Variants in TCERG1 observed in about 807,000 individuals in gnomAD.
The protein encoded by TCERG1 is TATA box binding protein (TBP)-associated factor, RNA polymerase II, S, 150kD.
A neutral mutation model predicts 144.7 loss-of-function variants in TCERG1; 37 were observed. The ratio of observed to expected loss-of-function variants is 0.26; its 90% CI spans 0.20 to 0.34. The LOEUF is 0.34. Ranked by LOEUF, TCERG1 falls within the 10% of genes least tolerant of loss-of-function variation. TCERG1 has a pLI of 1.00. For missense variants in TCERG1, 1,027 were observed against 1,380.7 expected, an observed-to-expected ratio of 0.74 and a Z score of 4.06; for synonymous variants, 492 against 458.2, an observed-to-expected ratio of 1.07 and a Z score of -0.94.
intron 1 of TCERG1, among the ~76,000 whole-genome samples, chr5:146,449,096 C>T (rs1024347795): frequency 2.0e-5 from 3 of 152,144 alleles, no homozygotes; most frequent in African/African-American, 4.8e-5. Context: ...TAGCATTTCT[C>T]ATGAAATTAG....
At chr5:146,490,494 G>A (rs1055541303) in intron 15 of TCERG1, among the ~76,000 whole-genome samples, 14 of 152,156 alleles carry the variant, frequency 9.2e-5, no homozygotes, top group Non-Finnish European at 1.6e-4. Flanking sequence ...CTAGCTAAAG[G>A]CATTGCTCTG....
chr5:146,481,684 A>G (rs1765375411), intron 13 of TCERG1: 1 of 152,184 alleles, frequency 6.6e-6, no homozygotes, highest in African/African-American at 2.4e-5. Context: ...TTTAAAATAT[A>G]CTTAGCAGAT....
chr5:146,471,833 G>A (rs1368577558), intron 9 of TCERG1, among the ~76,000 whole-genome samples: 2 of 152,068 alleles, frequency 1.3e-5, no homozygotes, highest in South Asian at 2.1e-4. Context: ...TCTTGACCTC[G>A]TGATCCGCCC....
Position 146,498,704 on chromosome 5 carries a change from C to T in TCERG1, c.2433+18C>T. The T allele has an allele frequency of 6.3e-7, 1 of 1,598,518 alleles. No individual in the cohort carries two copies. Among genetic ancestry groups the T allele is most frequent in the Non-Finnish European group, 8.5e-7 (1 of 1,174,044 alleles). On this transcript the variant is annotated intron_variant, in intron 17 of 22. Coordinates refer to ENST00000679501, the MANE Select transcript of TCERG1 (RefSeq NM_001382548.1). ...GTGAGAAGGTAAGATGGTTTTAGTT[C>T]CAGTGGTGTGATTGATGGGAGTGTG...
rs748668157 is a variant in TCERG1, at chr5:146,509,213, G to A, written c.3114G>A (p.Thr1038=). 59 of 1,608,570 alleles carry A rather than the reference G, an allele frequency of 3.7e-5. No homozygotes were observed. Among genetic ancestry groups the A allele is most frequent in the Non-Finnish European group, 4.8e-5 (56 of 1,177,994 alleles). ...TCACAGCCAAAGCTGACTTCAGGAC[G>A]CTTTTGAAAGAGACCAAATTTATAA... ...KYITAKADFR[T]LLKETKFITY... The change falls in exon 22 of 23, where the codon ACG becomes ACA. Residue 1038 remains threonine (T), a synonymous_variant. Coordinates refer to ENST00000679501, the MANE Select transcript of TCERG1 (RefSeq NM_001382548.1).
In TCERG1 at chr5:146,455,544, G is replaced by A. The variant is rs115358441; in HGVS notation, c.285+263G>A. ...ATAGTTTTTACCTACCTTTAGCTCT[G>A]TGAATTGGCTTTAGTAATGCATCTT... On this transcript the variant is annotated intron_variant, in intron 2 of 22. Coordinates refer to ENST00000679501, the MANE Select transcript of TCERG1 (RefSeq NM_001382548.1). 4.4e-3 allele frequency among the ~76,000 whole-genome samples: 668 copies of A among 152,334 alleles called. 4 individuals carry two copies. Among genetic ancestry groups the A allele is most frequent in the Non-Finnish European group, 6.3e-3 (430 of 68,036 alleles).
In TCERG1 at chr5:146,510,444, C is replaced by T. The variant is rs770488146; in HGVS notation, c.3150C>T (p.Ser1050=). Residue 1050 remains serine (S), a synonymous_variant, in exon 23 of 23, where the codon TCC becomes TCT. Coordinates refer to ENST00000679501, the MANE Select transcript of TCERG1 (RefSeq NM_001382548.1). ...GGACTTCTTTTTCTTATTTCAGATC[C>T]AAAAAATTAATCCAAGAATCAGATC... ...LKETKFITYR[S]KKLIQESDQH... The T allele has an allele frequency of 4.7e-5, 75 of 1,610,528 alleles. No individual in the cohort carries two copies. The highest frequency in any genetic ancestry group is 5.9e-5 in the Non-Finnish European group (70 of 1,177,718).
intron 12 of TCERG1, chr5:146,480,406 A>G (rs1250003236): frequency 2.6e-5 from 5 of 191,958 alleles, no homozygotes; most frequent in African/African-American, 4.8e-5. Context: ...TTAGACCCCA[A>G]TGGATACCAT....
chr5:146,494,807 G>A (rs1055301002), intron 16 of TCERG1, among the ~76,000 whole-genome samples: 1 of 151,986 alleles, frequency 6.6e-6, no homozygotes, highest in South Asian at 2.1e-4. Context: ...CTTGTATGTC[G>A]TTTTTCTTTT....
intron 1 of TCERG1, among the ~76,000 whole-genome samples, chr5:146,452,713 C>A (rs938245049): frequency 2.6e-5 from 4 of 152,156 alleles, no homozygotes; most frequent in African/African-American, 9.7e-5. Context: ...CTTCCGCCTC[C>A]CAAGTAGCTG....
At chr5:146,470,033 AATC>A (rs748067386) in intron 7 of TCERG1, among the ~76,000 whole-genome samples, 39 of 152,352 alleles carry the variant, frequency 2.6e-4, no homozygotes, top group Non-Finnish European at 4.7e-4. Context: ...TAATTATTGT[AATC>A]ATCATTGAGA....
chr5:146,485,765 C>T (rs1765765294), intron 15 of TCERG1, among the ~76,000 whole-genome samples: 1 of 152,148 alleles, frequency 6.6e-6, no homozygotes, highest in African/African-American at 2.4e-5. Context: ...GCCATCTCAT[C>T]TTACTGCAGC....
At chr5:146,500,095 A>T (rs1414833578) in intron 17 of TCERG1, 1 of 152,088 alleles carries the variant, frequency 6.6e-6, no homozygotes. Flanking sequence ...AATATTTAAT[A>T]TATTCAGCTT....
At chr5:146,503,599 G>A (rs539369620) in intron 18 of TCERG1, 60 bp downstream of exon 18, 4 of 1,559,932 alleles carry the variant, frequency 2.6e-6, no homozygotes, top group Admixed American at 1.9e-5. Context: ...GTGTTTAAGG[G>A]TATATGTTGT....
intron 16 of TCERG1, among the ~76,000 whole-genome samples, chr5:146,494,815 T>C (rs956777438): frequency 6.6e-6 from 1 of 152,180 alleles, no homozygotes; most frequent in African/African-American, 2.4e-5. Flanking sequence ...TCGTTTTTCT[T>C]TTTAATGAAA....
At chr5:146,479,946 T>C (rs1344425823) in intron 11 of TCERG1, 35 bp downstream of exon 11, 1 of 1,610,892 alleles carries the variant, frequency 6.2e-7, no homozygotes, top group African/African-American at 1.3e-5. Flanking sequence ...AGCTTCTTTT[T>C]AATACTATTA....
At chr5:146,484,567 A>G (rs1215356469) in intron 15 of TCERG1, among the ~76,000 whole-genome samples, 2 of 147,598 alleles carry the variant, frequency 1.4e-5, no homozygotes, top group African/African-American at 4.9e-5. Flanking sequence ...GAAAATTTAC[A>G]ATGTGCCAGA....
chr5:146,455,764 T>C (rs1001501057), intron 2 of TCERG1, among the ~76,000 whole-genome samples: 1 of 152,214 alleles, frequency 6.6e-6, no homozygotes. Flanking sequence ...TAGTTGAATT[T>C]TTTTTCTCCC....
rs568547415 is a variant in TCERG1 at position 146,497,545 on chromosome 5, G to A, written c.2283-991G>A. Among the ~76,000 whole-genome samples, 6 of 152,246 alleles carry A rather than the reference G, an allele frequency of 3.9e-5. No individual in the cohort carries two copies. The South Asian group carries it at 6.2e-4, about 16-fold the overall frequency. ...TCAAAAAATTTTTTCTATGGATCACGTTTCTTTGTATATTTAGTGATTTTT... is the reference window on the plus strand; with the variant it reads ...TCAAAAAATTTTTTCTATGGATCACATTTCTTTGTATATTTAGTGATTTTT... On this transcript the variant is annotated intron_variant, in intron 16 of 22. Transcript: ENST00000679501.
Sources: gnomAD v4.1 joint callset for allele counts (sites outside exome capture counted in the v4.1 genomes callset) on GRCh38, gnomAD v4.1.1 for gene constraint, MANE v1.5 for transcripts, NCBI Gene and HGNC (gene_info 2026-07-23, HGNC 2026-07-21) for gene names.